SRRT: variants seen among roughly 807,000 people sequenced by gnomAD.
SRRT encodes the protein serrate RNA effector molecule homolog.
In SRRT, 32 loss-of-function variants were observed where a neutral mutation model predicts 103.2. The observed-to-expected ratio is 0.31, with a 90% CI of 0.23 to 0.42. The LOEUF (loss-of-function observed/expected upper bound fraction) is 0.42, where lower values mean the gene tolerates loss of function less well. Among genes scored for constraint, SRRT ranks in the 10% least tolerant of loss-of-function variants. The pLI is 1.00. For synonymous variants in SRRT, 525 were observed against 449.0 expected (o/e 1.17, Z -2.14); for missense variants, 986 against 1,207.5 (o/e 0.82, Z 2.72).
chr7:100,887,639 C>G lies in SRRT; in HGVS notation c.2170-64C>G. The G allele has an allele frequency of 6.3e-7, 1 of 1,580,078 alleles. No individual in the cohort carries two copies. Among genetic ancestry groups the G allele is most frequent in the Non-Finnish European group, 8.6e-7 (1 of 1,158,514 alleles). On this transcript the variant is annotated intron_variant, in intron 16 of 19. Coordinates refer to ENST00000611405, the MANE Select transcript of SRRT (RefSeq NM_015908.6). The surrounding 1 kb of genome is among the most constrained non-coding windows in gnomAD (Gnocchi z 4.1). ...AGGCGGGAGCTGGGAATCCTTCCAGCTCGGGCCTGGGAGCGAGGCAACCCT... is the reference window on the plus strand; with the variant it reads ...AGGCGGGAGCTGGGAATCCTTCCAGGTCGGGCCTGGGAGCGAGGCAACCCT...
chr7:100,882,287 T>TGGCCCCGCTGGTGGAGCCAC lies in SRRT; in HGVS notation c.587+47_587+66dup. 1.9e-6 allele frequency: 3 copies of TGGCCCCGCTGGTGGAGCCAC among 1,586,790 alleles called. No individual in the cohort carries two copies. Among genetic ancestry groups the TGGCCCCGCTGGTGGAGCCAC allele is most frequent in the Non-Finnish European group, 2.6e-6 (3 of 1,162,426 alleles). Reference sequence around the variant, plus strand: ...GGACCTCTGCCCTGGCATGTCCCCCTGGCCCCGCTGGTGGAGCCACAGCCC... The same window carrying TGGCCCCGCTGGTGGAGCCAC: ...GGACCTCTGCCCTGGCATGTCCCCCTGGCCCCGCTGGTGGAGCCACGGCCCCGCTGGTGGAGCCACAGCCC... On this transcript the variant is annotated intron_variant, in intron 5 of 19. Coordinates refer to ENST00000611405, the MANE Select transcript of SRRT (RefSeq NM_015908.6). The surrounding 1 kb of genome is among the most constrained non-coding windows in gnomAD (Gnocchi z 4.2).
At position 100,884,465 on chromosome 7, in the gene SRRT, G is replaced by A. The variant is rs376597506; in HGVS notation, c.855G>A (p.Lys285=). Reference sequence around the variant, plus strand: ...CAGGAAAGCCTGGGGAGCCCAGCAAGAAAGAAGAAGGACGGGCTGGAGCAG... The same window carrying A: ...CAGGAAAGCCTGGGGAGCCCAGCAAAAAAGAAGAAGGACGGGCTGGAGCAG... The part of the protein sequence containing the change: ...EQAGKPGEPS[K]KEEGRAGAGL... The change falls in exon 7 of 20, where the codon AAG becomes AAA. Residue 285 remains lysine, a synonymous_variant. Transcript: ENST00000611405. 1.5e-5 allele frequency: 24 copies of A among 1,613,882 alleles called. No homozygotes were observed. The highest frequency in any genetic ancestry group is 1.6e-4 in the Middle Eastern group (1 of 6,084).
At chr7:100,879,628 A>G (rs1019059691) in intron 2 of SRRT, among the ~76,000 whole-genome samples, 11 of 152,296 alleles carry the variant, frequency 7.2e-5, no homozygotes, top group African/African-American at 2.6e-4. Context: ...AATTTTGAAT[A>G]TAGTAAGTAT....
In SRRT at chr7:100,875,279, T is replaced by C. The variant is rs1014642459; in HGVS notation, c.-68T>C. On this transcript the variant is annotated 5_prime_UTR_variant, in exon 1 of 20. Coordinates refer to ENST00000611405, the MANE Select transcript of SRRT (RefSeq NM_015908.6). Reference sequence around the variant, plus strand: ...CGCGCGCCCGCGACCCAGGTCGCCCTGAAATCTAGCCCGTCCGAGCGCGAG... The same window carrying C: ...CGCGCGCCCGCGACCCAGGTCGCCCCGAAATCTAGCCCGTCCGAGCGCGAG... 30 of 817,062 alleles carry C rather than the reference T, an allele frequency of 3.7e-5. No individual in the cohort carries two copies. The highest frequency in any genetic ancestry group is 4.8e-5 in the Non-Finnish European group (30 of 624,254). 50.6% of individuals were successfully genotyped at this position (817,062 alleles called of 1,614,324 possible). A position where few individuals can be genotyped will look rare whatever the true frequency, so the allele number is the denominator to read the frequency against.
chr7:100,887,756 G>A lies in SRRT; in HGVS notation c.2223G>A (p.Glu741=), dbSNP rs1437228515. The change falls in exon 17 of 20, where the codon GAG becomes GAA. Residue 741 remains glutamate, a synonymous_variant. Coordinates refer to ENST00000611405, the MANE Select transcript of SRRT (RefSeq NM_015908.6). This position sits in a 1 kb window ranked among gnomAD's most constrained non-coding sequence, Gnocchi z 4.1. ...TCAACAAGCATGCAGAGAAAATTGA[G>A]GAAGTGAAAAAGGAAGTCGCGTTTT... is the stretch of plus-strand genomic sequence containing the variant. ...HIFNKHAEKI[E]EVKKEVAFFN... The A allele has an allele frequency of 1.2e-6, 2 of 1,613,570 alleles. No homozygotes were observed. Among genetic ancestry groups the A allele is most frequent in the East Asian group, 4.5e-5 (2 of 44,858 alleles).
At position 100,885,672 on chromosome 7, in the gene SRRT, C is replaced by T; in HGVS notation, c.1318-29C>T. The T allele has an allele frequency of 1.3e-6, 2 of 1,590,260 alleles. No homozygotes were observed. The highest frequency in any genetic ancestry group is 1.7e-6 in the Non-Finnish European group (2 of 1,167,006). Reference sequence around the variant, plus strand: ...AAGAAGCGAATGAATCCTTGAGTCACTGTGGGGCTGCTTTTCTGCTTCTTG... The same window carrying T: ...AAGAAGCGAATGAATCCTTGAGTCATTGTGGGGCTGCTTTTCTGCTTCTTG... On this transcript the variant is annotated intron_variant, in intron 10 of 19. Transcript: ENST00000611405. This position sits in a 1 kb window ranked among gnomAD's most constrained non-coding sequence, Gnocchi z 4.8.
At position 100,888,627 on chromosome 7, in the gene SRRT, C is replaced by G; in HGVS notation, c.*78C>G. ...TATGAAGCTCTGAGAATTTTTTGTA[C>G]GATCAGCCTTACTGCTAATAAAAGC... is the stretch of plus-strand genomic sequence containing the variant. On this transcript the variant is annotated 3_prime_UTR_variant, in exon 20 of 20. Coordinates refer to ENST00000611405, the MANE Select transcript of SRRT (RefSeq NM_015908.6). 2 of 1,578,304 alleles carry G rather than the reference C, an allele frequency of 1.3e-6. No individual in the cohort carries two copies. The highest frequency in any genetic ancestry group is 2.2e-5 in the South Asian group (2 of 90,122).
Position 100,884,249 on chromosome 7 carries a change from T to C in SRRT, c.757+10T>C, listed in dbSNP as rs778572869. ...AAGATGCTGGATGCAGGTGTGCGGATTTGGAGGGGTGGCAGGCATCTGGGC... is the reference window on the plus strand; with the variant it reads ...AAGATGCTGGATGCAGGTGTGCGGACTTGGAGGGGTGGCAGGCATCTGGGC... On this transcript the variant is annotated intron_variant, in intron 6 of 19. Transcript: ENST00000611405. 52 of 1,613,448 alleles carry C rather than the reference T, an allele frequency of 3.2e-5. No individual in the cohort carries two copies. The East Asian group carries it at 1.1e-3, about 35-fold the overall frequency.
At chr7:100,883,458 T>C (rs1789774221) in intron 5 of SRRT, among the ~76,000 whole-genome samples, 1 of 152,164 alleles carries the variant, frequency 6.6e-6, no homozygotes, top group African/African-American at 2.4e-5. Flanking sequence ...AGCCCTCTCC[T>C]CTCTCTCCCC....
At position 100,887,581 on chromosome 7, in the gene SRRT, G is replaced by T. The variant is rs1328003039; in HGVS notation, c.2169+68G>T. 2 of 1,587,962 alleles carry T rather than the reference G, an allele frequency of 1.3e-6. No homozygotes were observed. The highest frequency in any genetic ancestry group is 1.7e-6 in the Non-Finnish European group (2 of 1,164,792). ...TGGGGTTGAGACAGGAAGCCCCCTG[G>T]GCAGGGGTGGGGGAACTGCTTACTG... On this transcript the variant is annotated intron_variant, in intron 16 of 19. Transcript: ENST00000611405. The surrounding 1 kb of genome is among the most constrained non-coding windows in gnomAD (Gnocchi z 4.1).
At position 100,887,462 on chromosome 7, in the gene SRRT, G is replaced by A; in HGVS notation, c.2118G>A (p.Gln706=). 3 of 1,614,196 alleles carry A rather than the reference G, an allele frequency of 1.9e-6. No homozygotes were observed. Among genetic ancestry groups the A allele is most frequent in the Non-Finnish European group, 2.5e-6 (3 of 1,180,048 alleles). The change falls in exon 16 of 20, where the codon CAG becomes CAA. Residue 706 remains glutamine (Q), a synonymous_variant. Transcript: ENST00000611405. This position sits in a 1 kb window ranked among gnomAD's most constrained non-coding sequence, Gnocchi z 4.1. ...AGAAGTTCGTCACCTCCAACACGCA[G>A]GAACTGGGCAAGGATAAGTGGCTGT... The part of the protein sequence containing the change: ...EVEKFVTSNT[Q]ELGKDKWLCP...
Position 100,888,467 on chromosome 7 carries a change from C to G in SRRT, c.2556-7C>G, listed in dbSNP as rs3087504. The stretch of plus-strand genomic sequence containing the variant: ...TCAGCTCTCATCCTGTACCTCTCAC[C>G]TCACAGGATGGTTCGTGGAGACCCA... On this transcript the variant is annotated splice_polypyrimidine_tract_variant and splice_region_variant and intron_variant, in intron 19 of 19. Coordinates refer to ENST00000611405, the MANE Select transcript of SRRT (RefSeq NM_015908.6). 2.3e-5 allele frequency: 37 copies of G among 1,613,800 alleles called. No homozygotes were observed. Among genetic ancestry groups the G allele is most frequent in the Non-Finnish European group, 3.1e-5 (37 of 1,179,872 alleles).
chr7:100,881,831 G>A, intron 4 of SRRT, 26 bp downstream of exon 4: 3 of 1,575,078 alleles, frequency 1.9e-6, no homozygotes, highest in Non-Finnish European at 2.6e-6. Flanking sequence ...CTCAGAAGAG[G>A]GTTGGTAGGC....
At position 100,885,657 on chromosome 7, in the gene SRRT, T is replaced by G; in HGVS notation, c.1318-44T>G. Reference sequence around the variant, plus strand: ...GTGGGGGATTGGAGGAAGAAGCGAATGAATCCTTGAGTCACTGTGGGGCTG... The same window carrying G: ...GTGGGGGATTGGAGGAAGAAGCGAAGGAATCCTTGAGTCACTGTGGGGCTG... On this transcript the variant is annotated intron_variant, in intron 10 of 19. Coordinates refer to ENST00000611405, the MANE Select transcript of SRRT (RefSeq NM_015908.6). The surrounding 1 kb of genome is among the most constrained non-coding windows in gnomAD (Gnocchi z 4.8). 1.3e-6 allele frequency: 2 copies of G among 1,569,992 alleles called. No homozygotes were observed. Among genetic ancestry groups the G allele is most frequent in the Non-Finnish European group, 1.7e-6 (2 of 1,154,134 alleles).
chr7:100,876,769 G>A lies in SRRT; in HGVS notation c.122+1057G>A, dbSNP rs527390263. 2.6e-5 allele frequency among the ~76,000 whole-genome samples: 4 copies of A among 152,222 alleles called. No individual in the cohort carries two copies. In the South Asian group the frequency reaches 8.3e-4, roughly 32 times the overall value. Reference sequence around the variant, plus strand: ...GTATATATAGTGGAAGTTATAAAGAGGGTAAGCATTGAGGGAACAGATCTC... The same window carrying A: ...GTATATATAGTGGAAGTTATAAAGAAGGTAAGCATTGAGGGAACAGATCTC... On this transcript the variant is annotated intron_variant, in intron 2 of 19. Coordinates refer to ENST00000611405, the MANE Select transcript of SRRT (RefSeq NM_015908.6).
intron 2 of SRRT, among the ~76,000 whole-genome samples, chr7:100,879,870 GGAGGTTGGTGACTGGTGGA>G (rs1410346080): frequency 1.3e-5 from 2 of 152,118 alleles, no homozygotes; most frequent in Middle Eastern, 3.2e-3. Flanking sequence ...TGATTGGTTG[GGAGGTTGGTGACTGGTGGA>G]GAGGCTGGTG....
At position 100,888,281 on chromosome 7, in the gene SRRT, C is replaced by G. The variant is rs146285121; in HGVS notation, c.2453C>G (p.Pro818Arg). 1 of 1,612,250 alleles carries G rather than the reference C, an allele frequency of 6.2e-7. No individual in the cohort carries two copies. Among genetic ancestry groups the G allele is most frequent in the Admixed American group, 1.7e-5 (1 of 59,936 alleles). The change falls in exon 19 of 20, where the codon CCC (proline) becomes CGC (arginine). Residue 818 changes from proline to arginine, a missense_variant. Pro to Arg is a moderately radical substitution (Grantham distance 103, BLOSUM62 -2). Around this residue, in one of 6 missense-constraint regions of SRRT, gnomAD observed 178 missense variants for 189.6 expected, o/e 0.94. Transcript: ENST00000611405. ...YGAGAVRPAV[P>R]TGGPPYPHAP... The stretch of plus-strand genomic sequence containing the variant: ...GCTGGTGCTGTCCGCCCTGCAGTCC[C>G]CACAGGAGGCCCTCCATACCCCCAT...
In SRRT at chr7:100,888,635, C is replaced by T. The variant is rs765871813; in HGVS notation, c.*86C>T. 10 of 1,557,702 alleles carry T rather than the reference C, an allele frequency of 6.4e-6. No individual in the cohort carries two copies. Among genetic ancestry groups the T allele is most frequent in the East Asian group, 2.2e-5 (1 of 44,576 alleles). On this transcript the variant is annotated 3_prime_UTR_variant, in exon 20 of 20. Coordinates refer to ENST00000611405, the MANE Select transcript of SRRT (RefSeq NM_015908.6). ...TCTGAGAATTTTTTGTACGATCAGC[C>T]TTACTGCTAATAAAAGCACTTCCAC...
chr7:100,886,413 C>T lies in SRRT; in HGVS notation c.1625C>T (p.Pro542Leu), dbSNP rs1446168537. 1.2e-6 allele frequency: 2 copies of T among 1,612,904 alleles called. No individual in the cohort carries two copies. The highest frequency in any genetic ancestry group is 1.7e-6 in the Non-Finnish European group (2 of 1,179,854). Residue 542 changes from proline (P) to leucine (L), a missense_variant, in exon 13 of 20, where the codon CCA becomes CTA. By Grantham distance (98) the Pro-to-Leu change is moderately conservative. Around this residue, in one of 6 missense-constraint regions of SRRT, gnomAD observed 349 missense variants for 446.9 expected, o/e 0.78. Coordinates refer to ENST00000611405, the MANE Select transcript of SRRT (RefSeq NM_015908.6). ...DDRTQLWASE[P>L]GTPPLPTSLP... ...AGGACACAGCTTTGGGCCTCAGAAC[C>T]AGGGACGCCTCCCCTGCCCACGGTC...
Sources: gnomAD v4.1 joint callset for allele counts (sites outside exome capture counted in the v4.1 genomes callset) on GRCh38, gnomAD v4.1.1 for gene constraint, gnomAD v4.1.1 regional missense constraint, Gnocchi (gnomAD v3.1) non-coding constraint, MANE v1.5 for transcripts, NCBI Gene and HGNC (gene_info 2026-07-23, HGNC 2026-07-21) for gene names.